The following BAMBI variants were observed in gnomAD, a reference collection of about 807,000 sequenced individuals.
BAMBI encodes the protein BMP and activin membrane-bound inhibitor homolog.
BAMBI carries 21 observed loss-of-function variants against 24.1 expected under a neutral mutation model. The ratio of observed to expected loss-of-function variants is 0.87; its 90% CI spans 0.62 to 1.26. The LOEUF is 1.26. BAMBI is among the 50% of genes most tolerant of loss of function. BAMBI has a pLI of 0.00. For synonymous variants in BAMBI, 156 were observed against 123.1 expected, an observed-to-expected ratio of 1.27 and a Z score of -1.77; for missense variants, 388 against 329.1, an observed-to-expected ratio of 1.18 and a Z score of -1.38.
chr10:28,682,880 G>C lies in BAMBI; in HGVS notation c.*479G>C, dbSNP rs200838896. 3 of 147,172 alleles carry C rather than the reference G, an allele frequency of 2.0e-5. No individual in the cohort carries two copies. Among genetic ancestry groups the C allele is most frequent in the African/African-American group, 7.3e-5 (3 of 40,852 alleles). The allele number at this position is 147,172 out of a possible 1,614,324, so 9.1% of individuals were successfully genotyped here. The stretch of plus-strand genomic sequence containing the variant: ...TGTTCTCAACTCTAGGATGTGGCTT[G>C]GTTTTTTTTTTTCTCTTTTCTTTTT... On this transcript the variant is annotated 3_prime_UTR_variant, in exon 3 of 3. Transcript: ENST00000375533.
intron 1 of BAMBI, among the ~76,000 whole-genome samples, chr10:28,679,819 G>T (rs369758409): frequency 1.3e-5 from 2 of 152,274 alleles, no homozygotes; most frequent in African/African-American, 4.8e-5. Context: ...TTGGAGGGAG[G>T]AGGAGAAAGA....
At chr10:28,680,425 G>A (rs1013663258) in intron 1 of BAMBI, among the ~76,000 whole-genome samples, 3 of 152,116 alleles carry the variant, frequency 2.0e-5, no homozygotes, top group African/African-American at 7.2e-5. Context: ...TTTCCTTAAG[G>A]ATTTTTCATT....
chr10:28,682,651 A>G lies in BAMBI; in HGVS notation c.*250A>G. On this transcript the variant is annotated 3_prime_UTR_variant, in exon 3 of 3. Transcript: ENST00000375533. ...CTTTGTACACACTGTCACCAGGGTT[A>G]TTTGCATCCAAGGGAGCTGGAATTG... 1 of 376,298 alleles carries G rather than the reference A, an allele frequency of 2.7e-6. No individual in the cohort carries two copies. The highest frequency in any genetic ancestry group is 4.7e-6 in the Non-Finnish European group (1 of 210,828). 23.3% of individuals were successfully genotyped at this position (376,298 alleles called of 1,614,324 possible). A position where few individuals can be genotyped will look rare whatever the true frequency, so the allele number is the denominator to read the frequency against.
intron 1 of BAMBI, 131 bp downstream of exon 1, chr10:28,678,104 T>G (rs1398678765): frequency 3.8e-6 from 3 of 798,770 alleles, no homozygotes; most frequent in African/African-American, 3.6e-5. Context: ...GACAAGTTGC[T>G]GTGTTCTTAG....
intron 2 of BAMBI, 152 bp downstream of exon 2, chr10:28,681,697 G>A: frequency 1.1e-6 from 1 of 883,590 alleles, no homozygotes; most frequent in Non-Finnish European, 1.7e-6. Flanking sequence ...CATCTTGATT[G>A]AGTGGCTTTT....
In BAMBI at chr10:28,682,374, T is replaced by C; in HGVS notation, c.756T>C (p.Ser252=). 6.2e-7 allele frequency: 1 copy of C among 1,611,252 alleles called. No individual in the cohort carries two copies. Among genetic ancestry groups the C allele is most frequent in the Middle Eastern group, 1.7e-4 (1 of 6,056 alleles). Residue 252 remains serine, a synonymous_variant, in exon 3 of 3, where the codon AGT becomes AGC. Transcript: ENST00000375533. ...CGCTTGTTCACTGGGGCATGTACAGTGGGCACGGGAAGCTGGAATTCGTAT... is the reference window on the plus strand; with the variant it reads ...CGCTTGTTCACTGGGGCATGTACAGCGGGCACGGGAAGCTGGAATTCGTAT... ...ILSLVHWGMY[S]GHGKLEFV
rs1834496460 is a variant in BAMBI at position 28,681,461 on chromosome 10, C to T, written c.280C>T (p.Pro94Ser). The T allele has an allele frequency of 1.2e-6, 2 of 1,614,198 alleles. No individual in the cohort carries two copies. The highest frequency in any genetic ancestry group is 2.2e-5 in the South Asian group (2 of 91,082). Residue 94 changes from proline to serine, a missense_variant, in exon 2 of 3, where the codon CCC becomes TCC. By Grantham distance (74) the Pro-to-Ser change is moderately conservative. Coordinates refer to ENST00000375533, the MANE Select transcript of BAMBI (RefSeq NM_012342.3). The stretch of plus-strand genomic sequence containing the variant: ...CCGAAACCACTCTGGCACCACCATA[C>T]CCACATTGGAATGCTGTCATGAAGA... Reference protein sequence around the residue: ...QARNHSGTTIPTLECCHEDMC... With the variant: ...QARNHSGTTISTLECCHEDMC...
chr10:28,677,727 G>T lies in BAMBI; in HGVS notation c.-171G>T, dbSNP rs916339156. On this transcript the variant is annotated 5_prime_UTR_variant, in exon 1 of 3. Coordinates refer to ENST00000375533, the MANE Select transcript of BAMBI (RefSeq NM_012342.3). ...GAAACTTTTCTGGGCTCCTGGGCGC[G>T]CCCTGTAGCCGCGCTCCATGCTCCG... 1 of 317,910 alleles carries T rather than the reference G, an allele frequency of 3.1e-6. No homozygotes were observed. The highest frequency in any genetic ancestry group is 5.5e-6 in the Non-Finnish European group (1 of 181,266). 19.7% of individuals were successfully genotyped at this position (317,910 alleles called of 1,614,324 possible).
In BAMBI at chr10:28,678,262, G is replaced by A. The variant is rs532879382; in HGVS notation, c.76+289G>A. Among the ~76,000 whole-genome samples the A allele has an allele frequency of 9.2e-5, 14 of 152,304 alleles. 1 individual carries two copies. In the South Asian group the frequency reaches 1.7e-3, roughly 18 times the overall value. On this transcript the variant is annotated intron_variant, in intron 1 of 2. Coordinates refer to ENST00000375533, the MANE Select transcript of BAMBI (RefSeq NM_012342.3). ...CCGGAGTCTCGGCCTCGACGCCGCC[G>A]CTTCCGCACCCTGGGGGCTCGGGCG...
intron 1 of BAMBI, among the ~76,000 whole-genome samples, chr10:28,680,745 C>T (rs1054837127): frequency 6.6e-6 from 1 of 152,168 alleles, no homozygotes; most frequent in Non-Finnish European, 1.5e-5. Context: ...GTTTTAAAAC[C>T]TCCTGACCTG....
At chr10:28,681,093 A>ACG (rs1564439256) in intron 1 of BAMBI, among the ~76,000 whole-genome samples, 165 bp from the exon 2 acceptor site, 4 of 152,266 alleles carry the variant, frequency 2.6e-5, no homozygotes, top group African/African-American at 7.2e-5. Flanking sequence ...ATTGAAACTT[A>ACG]CGCACTGGCT....
Position 28,677,691 on chromosome 10 carries a change from C to G in BAMBI, c.-207C>G. ...GGGCAAGGGAGCCAGTGGCCGCCGA[C>G]GGGGGACCGGGAAACTTTTCTGGGC... On this transcript the variant is annotated 5_prime_UTR_variant, in exon 1 of 3. Transcript: ENST00000375533. 3.6e-6 allele frequency: 1 copy of G among 278,484 alleles called. No homozygotes were observed. Among genetic ancestry groups the G allele is most frequent in the East Asian group, 6.5e-5 (1 of 15,408 alleles). 17.3% of individuals were successfully genotyped at this position (278,484 alleles called of 1,614,324 possible).
Position 28,677,647 on chromosome 10 carries a change from G to C in BAMBI, c.-251G>C, listed in dbSNP as rs528960991. On this transcript the variant is annotated 5_prime_UTR_variant, in exon 1 of 3. Transcript: ENST00000375533. ...CCCACTCCCGACCCGGGGCTAGCGT[G>C]CGTCCCTAGAGTCGAGCGGGGCAAG... is the stretch of plus-strand genomic sequence containing the variant. 29 of 248,748 alleles carry C rather than the reference G, an allele frequency of 1.2e-4. 1 individual carries two copies. In the South Asian group the frequency reaches 3.8e-3, roughly 33 times the overall value. The allele number at this position is 248,748 out of a possible 1,614,324, so 15.4% of individuals were successfully genotyped here.
chr10:28,682,059 G>C lies in BAMBI; in HGVS notation c.441G>C (p.Glu147Asp), dbSNP rs771520605. 18 of 1,614,052 alleles carry C rather than the reference G, an allele frequency of 1.1e-5. No homozygotes were observed. Among genetic ancestry groups the C allele is most frequent in the Non-Finnish European group, 1.5e-5 (18 of 1,180,046 alleles). The change falls in exon 3 of 3, where the codon GAG becomes GAC. Residue 147 changes from glutamate (E) to aspartate (D), a missense_variant. Coordinates refer to ENST00000375533, the MANE Select transcript of BAMBI (RefSeq NM_012342.3). The stretch of plus-strand genomic sequence containing the variant: ...TGCAGGAGCTGACTTCTTCCAAAGA[G>C]TTGTGGTTCCGGGCAGCGGTCATTG... Reference protein sequence around the residue: ...TKVQELTSSKELWFRAAVIAV... With the variant: ...TKVQELTSSKDLWFRAAVIAV...
At chr10:28,678,090 T>G (rs2132944088) in intron 1 of BAMBI, 117 bp downstream of exon 1, 1 of 896,798 alleles carries the variant, frequency 1.1e-6, no homozygotes, top group Non-Finnish European at 1.6e-6. Context: ...GAGCCGCAGG[T>G]CGCGACAAGT....
At position 28,682,927 on chromosome 10, in the gene BAMBI, T is replaced by G. The variant is rs1236898302; in HGVS notation, c.*526T>G. On this transcript the variant is annotated 3_prime_UTR_variant, in exon 3 of 3. Transcript: ENST00000375533. ...TTTTTAAACAAGACCAAGATCTTGC[T>G]TATTCTTCCATGTGCCTGTGTAATT... The G allele has an allele frequency of 3.9e-5, 6 of 152,456 alleles. No homozygotes were observed. The highest frequency in any genetic ancestry group is 3.9e-4 in the Admixed American group (6 of 15,306). 9.4% of individuals were successfully genotyped at this position (152,456 alleles called of 1,614,324 possible).
At position 28,681,357 on chromosome 10, in the gene BAMBI, A is replaced by T; in HGVS notation, c.176A>T (p.Gln59Leu). ...SACFSRLLDP[Q>L]NSNSPLTHGC... ...TGCTTCTCTAGACTTCTTGATCCTCAGAACTCAAATTCCCCACTCACCCAT... is the reference window on the plus strand; with the variant it reads ...TGCTTCTCTAGACTTCTTGATCCTCTGAACTCAAATTCCCCACTCACCCAT... The change falls in exon 2 of 3, where the codon CAG becomes CTG. Residue 59 changes from glutamine (Q) to leucine (L), a missense_variant. Gln to Leu is a moderately radical substitution (Grantham distance 113, BLOSUM62 -2). Transcript: ENST00000375533. The T allele has an allele frequency of 6.2e-7, 1 of 1,614,184 alleles. No homozygotes were observed. The highest frequency in any genetic ancestry group is 8.5e-7 in the Non-Finnish European group (1 of 1,180,032).
At chr10:28,679,226 A>G (rs939824980) in intron 1 of BAMBI, among the ~76,000 whole-genome samples, 2 of 152,148 alleles carry the variant, frequency 1.3e-5, no homozygotes, top group Non-Finnish European at 2.9e-5. Context: ...TACCGAAACT[A>G]TGTGCCTGAT....
Position 28,681,432 on chromosome 10 carries a change from A to G in BAMBI, c.251A>G (p.Gln84Arg), listed in dbSNP as rs764629521. ...ACGACAGACATCTGCCAAGCCAAAC[A>G]GGCCCGAAACCACTCTGGCACCACC... is the stretch of plus-strand genomic sequence containing the variant. ...ASTTDICQAKQARNHSGTTIP... is the reference protein window; with the variant it reads ...ASTTDICQAKRARNHSGTTIP... The change falls in exon 2 of 3, where the codon CAG (glutamine) becomes CGG (arginine). Residue 84 changes from glutamine to arginine, a missense_variant. Coordinates refer to ENST00000375533, the MANE Select transcript of BAMBI (RefSeq NM_012342.3). The G allele has an allele frequency of 2.7e-5, 43 of 1,614,046 alleles. No homozygotes were observed. Among genetic ancestry groups the G allele is most frequent in the Non-Finnish European group, 3.5e-5 (41 of 1,180,030 alleles).
Sources: gnomAD v4.1 joint callset for allele counts (sites outside exome capture counted in the v4.1 genomes callset) on GRCh38, gnomAD v4.1.1 for gene constraint, MANE v1.5 for transcripts, NCBI Gene and HGNC (gene_info 2026-07-23, HGNC 2026-07-21) for gene names.